The following PRKD1 variants were observed in gnomAD, a reference collection of about 807,000 sequenced individuals.
The protein encoded by PRKD1 is serine/threonine-protein kinase D1.
A neutral mutation model predicts 95.9 loss-of-function variants in PRKD1; 63 were observed. The ratio of observed to expected loss-of-function variants is 0.66; its 90% CI spans 0.54 to 0.81. The LOEUF (loss-of-function observed/expected upper bound fraction) is 0.81. Ranked by LOEUF, PRKD1 falls within the 30% of genes least tolerant of loss-of-function variation. PRKD1 has a pLI of 0.00. For missense variants in PRKD1, 1,048 were observed against 1,165.3 expected, an observed-to-expected ratio of 0.90 and a Z score of 1.47; for synonymous variants, 425 against 423.1, an observed-to-expected ratio of 1.00 and a Z score of -0.05.
At chr14:29,584,731 AT>A (rs1409442377) in intron 16 of PRKD1, among the ~76,000 whole-genome samples, 1 of 152,222 alleles carries the variant, frequency 6.6e-6, no homozygotes, top group Admixed American at 6.5e-5. Context: ...GGCTAAAAAT[AT>A]TTCTGGATGG....
intron 1 of PRKD1, among the ~76,000 whole-genome samples, chr14:29,770,430 G>A (rs1046822702): frequency 6.6e-6 from 1 of 152,178 alleles, no homozygotes; most frequent in Non-Finnish European, 1.5e-5. Context: ...GAGCTGCAGA[G>A]AAAAACCCCA....
intron 13 of PRKD1, among the ~76,000 whole-genome samples, chr14:29,601,818 TA>T (rs1306462746): frequency 7.9e-5 from 12 of 152,324 alleles, no homozygotes; most frequent in Admixed American, 2.0e-4. Flanking sequence ...TCCTTTTCCT[TA>T]CATGCCTTTC....
At chr14:29,807,022 A>T (rs577325825) in intron 1 of PRKD1, among the ~76,000 whole-genome samples, 4 of 152,274 alleles carry the variant, frequency 2.6e-5, no homozygotes, top group South Asian at 2.1e-4. Flanking sequence ...ATTATGTCTT[A>T]AAAAATGCAC....
At chr14:29,733,134 G>A (rs1479578757) in intron 1 of PRKD1, among the ~76,000 whole-genome samples, 2 of 141,992 alleles carry the variant, frequency 1.4e-5, no homozygotes, top group Non-Finnish European at 1.5e-5. Context: ...ATGGAGTCTC[G>A]CTCTGCCGCC....
intron 1 of PRKD1, among the ~76,000 whole-genome samples, chr14:29,741,085 C>T (rs1328467854): frequency 1.3e-5 from 2 of 152,008 alleles, no homozygotes; most frequent in Non-Finnish European, 2.9e-5. Flanking sequence ...AAAGGAACAA[C>T]AGACATTATT....
At chr14:29,881,500 A>T (rs1236699552) in intron 1 of PRKD1, among the ~76,000 whole-genome samples, 1 of 152,100 alleles carries the variant, frequency 6.6e-6, no homozygotes. Flanking sequence ...GTTTCCTGAA[A>T]TGACACTCAC....
intron 1 of PRKD1, among the ~76,000 whole-genome samples, chr14:29,866,961 C>T (rs954067104): frequency 5.9e-5 from 9 of 152,176 alleles, no homozygotes; most frequent in Non-Finnish European, 1.3e-4. Flanking sequence ...ATCCTCACTT[C>T]CCCTCCACTT....
intron 12 of PRKD1, 32 bp from the exon 13 acceptor site, chr14:29,624,290 T>C: frequency 1.4e-6 from 2 of 1,476,648 alleles, no homozygotes; most frequent in Non-Finnish European, 1.9e-6. Context: ...CATTAGTAAG[T>C]TATTAAATAT....
At chr14:29,901,897 G>A (rs1354439242) in intron 1 of PRKD1, among the ~76,000 whole-genome samples, 4 of 152,122 alleles carry the variant, frequency 2.6e-5, no homozygotes, top group African/African-American at 9.7e-5. Flanking sequence ...GAAGTTAGGA[G>A]GCTGCCAAGG....
chr14:29,577,825 T>C (rs984803522), intron 17 of PRKD1, among the ~76,000 whole-genome samples: 2 of 152,180 alleles, frequency 1.3e-5, no homozygotes, highest in African/African-American at 4.8e-5. Context: ...CACATCCATA[T>C]ACTTTGTATT....
At chr14:29,865,922 A>G (rs1189568880) in intron 1 of PRKD1, among the ~76,000 whole-genome samples, 1 of 152,210 alleles carries the variant, frequency 6.6e-6, no homozygotes, top group African/African-American at 2.4e-5. Context: ...CATCTGGGAT[A>G]CAATAATAAT....
chr14:29,852,733 AAAATG>A (rs1197381479), intron 1 of PRKD1, among the ~76,000 whole-genome samples: 1 of 152,220 alleles, frequency 6.6e-6, no homozygotes, highest in East Asian at 1.9e-4. Flanking sequence ...TTTTGAAAAG[AAAATG>A]AAATGAAAGA....
intron 1 of PRKD1, among the ~76,000 whole-genome samples, chr14:29,849,578 A>AACAAC (rs199853785): frequency 4.9e-5 from 6 of 123,160 alleles, no homozygotes; most frequent in African/African-American, 2.4e-4. Context: ...CAACAACAAC[A>AACAAC]AAAAAAAAAC....
intron 1 of PRKD1, among the ~76,000 whole-genome samples, chr14:29,826,663 G>GTATA (rs373221137): frequency 4.1e-5 from 3 of 73,760 alleles, no homozygotes; most frequent in Non-Finnish European, 4.9e-5. Context: ...GTGTGTGTGT[G>GTATA]TATATATGTG....
chr14:29,779,013 A>T (rs1212573481), intron 1 of PRKD1, among the ~76,000 whole-genome samples: 1 of 152,258 alleles, frequency 6.6e-6, no homozygotes, highest in Non-Finnish European at 1.5e-5. Flanking sequence ...AATCCAGCAT[A>T]TAAACAGAAC....
At chr14:29,721,179 A>T (rs117225834) in intron 2 of PRKD1, among the ~76,000 whole-genome samples, 1,645 of 152,334 alleles carry the variant, frequency 0.011, 20 homozygotes, top group Non-Finnish European at 0.016. Flanking sequence ...CTACAGTGCC[A>T]GCTCTCTAAT....
intron 16 of PRKD1, among the ~76,000 whole-genome samples, chr14:29,585,783 G>A (rs942112014): frequency 2.0e-5 from 3 of 152,102 alleles, no homozygotes; most frequent in East Asian, 1.9e-4. Flanking sequence ...TACAATGTTC[G>A]TTTTAATGGA....
intron 1 of PRKD1, among the ~76,000 whole-genome samples, chr14:29,887,845 C>T (rs963747738): frequency 6.6e-6 from 1 of 152,150 alleles, no homozygotes; most frequent in Non-Finnish European, 1.5e-5. Flanking sequence ...GCTATGCCAT[C>T]TAGGCTTGTG....
At position 29,705,773 on chromosome 14, in the gene PRKD1, G is replaced by T. The variant is rs578008390; in HGVS notation, c.403+19763C>A. Among the ~76,000 whole-genome samples, 7 of 152,092 alleles carry T rather than the reference G, an allele frequency of 4.6e-5. No individual in the cohort carries two copies. In the South Asian group the frequency reaches 1.5e-3, roughly 32 times the overall value. On this transcript the variant is annotated intron_variant, in intron 2 of 17. Coordinates refer to ENST00000331968, the MANE Select transcript of PRKD1 (RefSeq NM_002742.3). Reference sequence around the variant, plus strand: ...TTCATTTTGTCATAATGTTTTGCAGGTTCATCCATGATGTAACAAGTATCT... The same window carrying T: ...TTCATTTTGTCATAATGTTTTGCAGTTTCATCCATGATGTAACAAGTATCT...
Sources: allele counts gnomAD v4.1 joint callset (sites outside exome capture counted in the v4.1 genomes callset), GRCh38; gene constraint gnomAD v4.1.1; transcripts MANE v1.5; gene names NCBI Gene and HGNC (gene_info 2026-07-23, HGNC 2026-07-21).